HJURP: variants seen among roughly 807,000 people sequenced by gnomAD.
HJURP encodes 14-3-3-associated AKT substrate.
In HJURP, 49 loss-of-function variants were observed where a neutral mutation model predicts 72.0. The ratio of observed to expected loss-of-function variants is 0.68; its 90% CI spans 0.54 to 0.86. The LOEUF (loss-of-function observed/expected upper bound fraction) is 0.86, where lower values mean the gene tolerates loss of function less well. Ranked by LOEUF, HJURP falls within the 40% of genes least tolerant of loss-of-function variation. The pLI is 0.00. For synonymous variants in HJURP, 357 were observed against 347.1 expected (o/e 1.03, Z -0.32); for missense variants, 908 against 936.3 (o/e 0.97, Z 0.39).
chr2:233,854,473 C>T lies in HJURP; in HGVS notation c.28G>A (p.Gly10Ser). MLGTLRAMEGEDVEDDQLLQ... is the reference protein window; with the variant it reads MLGTLRAMESEDVEDDQLLQ... The stretch of plus-strand genomic sequence containing the variant: ...AGCTGGTCGTCTTCCACGTCCTCGC[C>T]CTCCATGGCGCGCAGCGTACCCAGC... The change falls in exon 1 of 9, where the codon GGC becomes AGC. Residue 10 changes from glycine to serine, a missense_variant. Gly to Ser is a moderately conservative substitution (Grantham distance 56). Transcript: ENST00000411486. 6.2e-7 allele frequency: 1 copy of T among 1,612,698 alleles called. No individual in the cohort carries two copies. Among genetic ancestry groups the T allele is most frequent in the Non-Finnish European group, 8.5e-7 (1 of 1,179,442 alleles).
In HJURP at chr2:233,846,364, A is replaced by C. The variant is rs1237397111; in HGVS notation, c.403-544T>G. ...CTACTTGGGAGGCTGAGGCAGGAGA[A>C]TCGCTTGAACCCAGGAAGTAGAGGT... On this transcript the variant is annotated intron_variant, in intron 5 of 8. Transcript: ENST00000411486. The surrounding 1 kb of genome is among the most constrained non-coding windows in gnomAD (Gnocchi z 4.3). Among the ~76,000 whole-genome samples the C allele has an allele frequency of 6.6e-6, 1 of 152,200 alleles. No individual in the cohort carries two copies. Among genetic ancestry groups the C allele is most frequent in the Non-Finnish European group, 1.5e-5 (1 of 68,048 alleles).
At chr2:233,850,232 CAG>C (rs1389155081) in intron 3 of HJURP, among the ~76,000 whole-genome samples, 2 of 152,240 alleles carry the variant, frequency 1.3e-5, no homozygotes, top group African/African-American at 4.8e-5. Context: ...TCAGCGAGAA[CAG>C]AGAAATAGGC....
intron 6 of HJURP, among the ~76,000 whole-genome samples, chr2:233,844,497 G>A (rs1705308791): frequency 6.6e-6 from 1 of 152,202 alleles, no homozygotes; most frequent in Non-Finnish European, 1.5e-5. Context: ...CTCCAGGATA[G>A]CTTCCAGCCA....
chr2:233,847,492 G>A, intron 4 of HJURP, 31 bp from the exon 5 acceptor site: 1 of 1,591,586 alleles, frequency 6.3e-7, no homozygotes, highest in Non-Finnish European at 8.6e-7. Context: ...TCTCAATCAG[G>A]ATTTTCAGGA....
chr2:233,842,275 G>T, intron 7 of HJURP, 70 bp from the exon 8 acceptor site: 2 of 1,341,644 alleles, frequency 1.5e-6, no homozygotes, highest in Non-Finnish European at 2.0e-6. Flanking sequence ...ACAGATGACA[G>T]AACTTAAGAT....
chr2:233,852,839 G>A (rs1374397413), intron 2 of HJURP, among the ~76,000 whole-genome samples: 2 of 152,064 alleles, frequency 1.3e-5, no homozygotes, highest in African/African-American at 4.8e-5. Flanking sequence ...ACTAGAAAAC[G>A]GCTCATCAAA....
At chr2:233,837,724 G>T in intron 8 of HJURP, 72 bp from the exon 9 acceptor site, 4 of 963,418 alleles carry the variant, frequency 4.2e-6, no homozygotes, top group Middle Eastern at 4.8e-4. Context: ...CCACTAAAAG[G>T]TTAACTGTTT....
chr2:233,853,957 G>A, intron 1 of HJURP, 47 bp from the exon 2 acceptor site: 1 of 1,575,900 alleles, frequency 6.3e-7, no homozygotes, highest in Non-Finnish European at 8.7e-7. Flanking sequence ...GGCCACGAGG[G>A]GCCCCAGACC....
intron 6 of HJURP, 119 bp from the exon 7 acceptor site, chr2:233,844,402 G>A (rs997656645): frequency 2.5e-5 from 19 of 750,534 alleles, no homozygotes; most frequent in African/African-American, 5.2e-5. Context: ...GTCGACAAGC[G>A]TGTGAATGTG....
At position 233,840,792 on chromosome 2, in the gene HJURP, C is replaced by T. The variant is rs769329640; in HGVS notation, c.1988G>A (p.Cys663Tyr). ...STAIEAPSST[C>Y]VARAITRDGT... ...ATCCCTCGTGATGGCACGAGCAACACATGTAGATGAAGGAGCCTCAATTGC... is the reference window on the plus strand; with the variant it reads ...ATCCCTCGTGATGGCACGAGCAACATATGTAGATGAAGGAGCCTCAATTGC... The change falls in exon 8 of 9, where the codon TGT (cysteine) becomes TAT (tyrosine). Residue 663 changes from cysteine (C) to tyrosine (Y), a missense_variant. Cys to Tyr is a radical substitution (Grantham distance 194, BLOSUM62 -2). This residue lies in a region of HJURP where 598 missense variants were observed against 619.5 expected (regional missense o/e 0.97). Transcript: ENST00000411486. 6.2e-7 allele frequency: 1 copy of T among 1,613,608 alleles called. No individual in the cohort carries two copies. Among genetic ancestry groups the T allele is most frequent in the Non-Finnish European group, 8.5e-7 (1 of 1,179,860 alleles).
At position 233,853,772 on chromosome 2, in the gene HJURP, G is replaced by A; in HGVS notation, c.184+72C>T. The A allele has an allele frequency of 1.8e-5, 22 of 1,245,036 alleles. No homozygotes were observed. The South Asian group carries it at 2.8e-4, about 16-fold the overall frequency. 77.1% of individuals were successfully genotyped at this position (1,245,036 alleles called of 1,614,324 possible). A position where few individuals can be genotyped will look rare whatever the true frequency, so the allele number is the denominator to read the frequency against. On this transcript the variant is annotated intron_variant, in intron 2 of 8. Transcript: ENST00000411486. Reference sequence around the variant, plus strand: ...TGAACAATGTTTACTTCTTAAGAGAGCAGGGACAGCATTTCAACTACTCCA... The same window carrying A: ...TGAACAATGTTTACTTCTTAAGAGAACAGGGACAGCATTTCAACTACTCCA...
At chr2:233,851,506 T>C (rs572270999) in intron 3 of HJURP, among the ~76,000 whole-genome samples, 1 of 152,288 alleles carries the variant, frequency 6.6e-6, no homozygotes, top group African/African-American at 2.4e-5. Flanking sequence ...CTGACCCTTA[T>C]TTATTAATAA....
intron 7 of HJURP, among the ~76,000 whole-genome samples, chr2:233,843,461 C>T (rs1313116238): frequency 6.6e-6 from 1 of 152,148 alleles, no homozygotes; most frequent in African/African-American, 2.4e-5. Flanking sequence ...CACGTCATCC[C>T]TGTAGTAATT....
chr2:233,852,550 T>C lies in HJURP; in HGVS notation c.240+15A>G. On this transcript the variant is annotated intron_variant, in intron 3 of 8. Transcript: ENST00000411486. ...ACAGCAAGGTTATTTGGCAATAAAA[T>C]TTGACACTAAATACCTGGATCTCTC... is the stretch of plus-strand genomic sequence containing the variant. 1 of 1,571,736 alleles carries C rather than the reference T, an allele frequency of 6.4e-7. No homozygotes were observed. Among genetic ancestry groups the C allele is most frequent in the African/African-American group, 1.3e-5 (1 of 74,584 alleles).
At position 233,841,593 on chromosome 2, in the gene HJURP, T is replaced by C; in HGVS notation, c.1187A>G (p.Tyr396Cys). 6.2e-7 allele frequency: 1 copy of C among 1,614,216 alleles called. No homozygotes were observed. Among genetic ancestry groups the C allele is most frequent in the South Asian group, 1.1e-5 (1 of 91,084 alleles). The part of the protein sequence containing the change: ...SLIYFDSSAT[Y>C]NLDEENRFRT... ...AAATCTATTTTCCTCATCAAGATTA[T>C]ATGTTGCACTGGAGTCGAAGTAAAT... Residue 396 changes from tyrosine to cysteine, a missense_variant, in exon 8 of 9, where the codon TAT becomes TGT. This residue lies in a region of HJURP where 598 missense variants were observed against 619.5 expected (regional missense o/e 0.97). Coordinates refer to ENST00000411486, the MANE Select transcript of HJURP (RefSeq NM_018410.5).
intron 8 of HJURP, 124 bp from the exon 9 acceptor site, chr2:233,837,776 T>C (rs1705114633): frequency 3.0e-6 from 2 of 663,002 alleles, no homozygotes; most frequent in East Asian, 5.2e-5. Context: ...TTATAGAAAG[T>C]GGCATTACGT....
At position 233,853,896 on chromosome 2, in the gene HJURP, G is replaced by A. The variant is rs1270940202; in HGVS notation, c.132C>T (p.Phe44=). The change falls in exon 2 of 9, where the codon TTC becomes TTT. Residue 44 remains phenylalanine (F), a synonymous_variant. Coordinates refer to ENST00000411486, the MANE Select transcript of HJURP (RefSeq NM_018410.5). ...CCATTTGCACCACCGGGGTGTCCTC[G>A]AAGGGCTGGTTGTACTGCGGAGGAG... ...QRLIEKYNQP[F]EDTPVVQMAT... is the part of the protein sequence containing the mutation. The A allele has an allele frequency of 1.2e-6, 2 of 1,613,972 alleles. No homozygotes were observed. Among genetic ancestry groups the A allele is most frequent in the Non-Finnish European group, 1.7e-6 (2 of 1,179,974 alleles).
chr2:233,841,286 A>G lies in HJURP; in HGVS notation c.1494T>C (p.Ser498=), dbSNP rs1705220930. ...PSSKAKAKSL[S]EAFENLGKRS... The stretch of plus-strand genomic sequence containing the variant: ...TTTTGCCTAGGTTTTCAAAAGCCTC[A>G]CTTAAACTTTTTGCTTTTGCTTTGC... Residue 498 remains serine, a synonymous_variant, in exon 8 of 9, where the codon AGT becomes AGC. Transcript: ENST00000411486. 11 of 1,614,098 alleles carry G rather than the reference A, an allele frequency of 6.8e-6. No individual in the cohort carries two copies. Among genetic ancestry groups the G allele is most frequent in the Non-Finnish European group, 9.3e-6 (11 of 1,179,962 alleles).
intron 7 of HJURP, 21 bp downstream of exon 7, chr2:233,844,184 C>T (rs1031732229): frequency 1.3e-5 from 21 of 1,609,766 alleles, no homozygotes; most frequent in Non-Finnish European, 1.7e-5. Flanking sequence ...ACTGTTCATA[C>T]AGTTTCTATG....
Sources: gnomAD v4.1 joint callset for allele counts (sites outside exome capture counted in the v4.1 genomes callset) on GRCh38, gnomAD v4.1.1 for gene constraint, gnomAD v4.1.1 regional missense constraint, Gnocchi (gnomAD v3.1) non-coding constraint, MANE v1.5 for transcripts, NCBI Gene and HGNC (gene_info 2026-07-23, HGNC 2026-07-21) for gene names.